The following CNTNAP2 variants were observed in gnomAD, a reference collection of about 807,000 sequenced individuals.
The protein encoded by CNTNAP2 is contactin associated protein 2.
Under a neutral mutation model 155.2 loss-of-function variants are expected in CNTNAP2, and 98 were observed. The ratio of observed to expected loss-of-function variants is 0.63; its 90% CI spans 0.54 to 0.75. The LOEUF is 0.75. Among genes scored for constraint, CNTNAP2 ranks in the 30% least tolerant of loss-of-function variants. CNTNAP2 has a pLI of 0.00. For synonymous variants in CNTNAP2, 651 were observed against 631.2 expected, an observed-to-expected ratio of 1.03 and a Z score of -0.47; for missense variants, 1,727 against 1,688.1, an observed-to-expected ratio of 1.02 and a Z score of -0.40.
At chr7:147,907,615 T>G (rs1288983261) in intron 14 of CNTNAP2, among the ~76,000 whole-genome samples, 1 of 152,084 alleles carries the variant, frequency 6.6e-6, no homozygotes, top group Non-Finnish European at 1.5e-5. Flanking sequence ...TTGCCACTTT[T>G]GGGGGAGGCT....
Position 147,903,810 on chromosome 7 carries a change from C to G in CNTNAP2, c.2255+89C>G, listed in dbSNP as rs1009848000. ...GTGATAGAAGAAAGTTTGAAAAGTGCTATAATAATACGATAATAGGGTAGA... is the reference window on the plus strand; with the variant it reads ...GTGATAGAAGAAAGTTTGAAAAGTGGTATAATAATACGATAATAGGGTAGA... On this transcript the variant is annotated intron_variant, in intron 14 of 23. Transcript: ENST00000361727. The G allele has an allele frequency of 6.8e-6, 10 of 1,480,460 alleles. No individual in the cohort carries two copies. The African/African-American group carries it at 1.4e-4, about 21-fold the overall frequency. The allele number at this position is 1,480,460 out of a possible 1,614,324, so 91.7% of individuals were successfully genotyped here. A position where few individuals can be genotyped will look rare whatever the true frequency, so the allele number is the denominator to read the frequency against.
At chr7:146,826,052 T>C (rs537546881) in intron 2 of CNTNAP2, among the ~76,000 whole-genome samples, 1 of 152,216 alleles carries the variant, frequency 6.6e-6, no homozygotes, top group South Asian at 2.1e-4. Context: ...AGTGATGTCT[T>C]TTAGAGCTGA....
At chr7:148,008,109 G>A (rs35084488) in intron 15 of CNTNAP2, among the ~76,000 whole-genome samples, 16,058 of 151,798 alleles carry the variant, frequency 0.11, 1,189 homozygotes, top group East Asian at 0.24. Context: ...CATGCCTGTA[G>A]TCTCAGCACT....
chr7:147,919,459 C>CTTTCTTTCTTTT (rs58537091), intron 14 of CNTNAP2, among the ~76,000 whole-genome samples: 3 of 51,224 alleles, frequency 5.9e-5, no homozygotes, highest in African/African-American at 3.2e-4. Context: ...CTTTTTCTTT[C>CTTTCTTTCTTTT]TTTTTTTTTT....
intron 8 of CNTNAP2, among the ~76,000 whole-genome samples, chr7:147,265,496 A>G (rs1374170803): frequency 6.6e-6 from 1 of 152,180 alleles, no homozygotes; most frequent in African/African-American, 2.4e-5. Flanking sequence ...CTTAGGGACC[A>G]AACTCTGATC....
At chr7:147,590,653 T>C (rs1800719375) in intron 12 of CNTNAP2, among the ~76,000 whole-genome samples, 1 of 152,190 alleles carries the variant, frequency 6.6e-6, no homozygotes, top group South Asian at 2.1e-4. Context: ...GAACAACTTA[T>C]AACTTTCCTG....
At chr7:147,778,824 A>G (rs1797625044) in intron 13 of CNTNAP2, among the ~76,000 whole-genome samples, 1 of 152,148 alleles carries the variant, frequency 6.6e-6, no homozygotes, top group Non-Finnish European at 1.5e-5. Context: ...AAAGAAAGAA[A>G]TTTTATGAAA....
At chr7:146,772,591 C>T (rs1802313999) in intron 1 of CNTNAP2, among the ~76,000 whole-genome samples, 1 of 151,884 alleles carries the variant, frequency 6.6e-6, no homozygotes, top group Non-Finnish European at 1.5e-5. Flanking sequence ...ATCGCTTGAA[C>T]CCGGGAGACA....
chr7:146,305,433 A>G (rs903775558), intron 1 of CNTNAP2, among the ~76,000 whole-genome samples: 3 of 152,030 alleles, frequency 2.0e-5, no homozygotes, highest in African/African-American at 7.2e-5. Context: ...GTCTTTGATG[A>G]TGGTGACATA....
intron 3 of CNTNAP2, among the ~76,000 whole-genome samples, chr7:147,034,956 A>T (rs1210437316): frequency 7.1e-6 from 1 of 140,584 alleles, no homozygotes; most frequent in Non-Finnish European, 1.5e-5. Context: ...GTCTGCACTT[A>T]GTTCCGTGGG....
In CNTNAP2 at chr7:146,884,687, C is replaced by T. The variant is rs1795622725; in HGVS notation, c.402+44783C>T. On this transcript the variant is annotated intron_variant, in intron 3 of 23. Transcript: ENST00000361727. ...CCACTGGAGCATAAGTAGAGTGCAA[C>T]AGAAGACTTCGAGGAGAAAGCCCAT... Among the ~76,000 whole-genome samples the T allele has an allele frequency of 2.0e-5, 3 of 152,158 alleles. No homozygotes were observed. The South Asian group carries it at 6.2e-4, about 32-fold the overall frequency.
intron 10 of CNTNAP2, among the ~76,000 whole-genome samples, chr7:147,433,514 C>T (rs1235245405): frequency 6.6e-6 from 1 of 152,086 alleles, no homozygotes; most frequent in Non-Finnish European, 1.5e-5. Flanking sequence ...CTCATATTTG[C>T]TTTGTAAATC....
chr7:147,940,798 A>G (rs1207673456), intron 14 of CNTNAP2, among the ~76,000 whole-genome samples: 4 of 152,210 alleles, frequency 2.6e-5, no homozygotes, highest in African/African-American at 9.6e-5. Context: ...TCGGGCACCA[A>G]AAGTGCTGGA....
intron 8 of CNTNAP2, among the ~76,000 whole-genome samples, chr7:147,150,106 G>A (rs768622733): frequency 6.6e-6 from 1 of 152,208 alleles, no homozygotes; most frequent in South Asian, 2.1e-4. Context: ...AGGAGGACAA[G>A]GCAAGTTGTC....
At chr7:146,144,708 A>T (rs1320591406) in intron 1 of CNTNAP2, among the ~76,000 whole-genome samples, 2 of 152,236 alleles carry the variant, frequency 1.3e-5, no homozygotes, top group Non-Finnish European at 2.9e-5. Flanking sequence ...AAAGAAACAT[A>T]ATGAAGAAAG....
intron 1 of CNTNAP2, among the ~76,000 whole-genome samples, chr7:146,598,097 C>G (rs79509680): frequency 0.028 from 4,225 of 152,168 alleles, 84 homozygotes; most frequent in South Asian, 0.037. Flanking sequence ...ATGGAGGCAA[C>G]TAAGTCAGGC....
At chr7:146,438,646 A>G (rs1796277214) in intron 1 of CNTNAP2, among the ~76,000 whole-genome samples, 1 of 151,506 alleles carries the variant, frequency 6.6e-6, no homozygotes, top group African/African-American at 2.4e-5. Context: ...TTCTTTTTAA[A>G]TAGTTTTCCA....
At chr7:147,947,621 A>G (rs1585043241) in intron 14 of CNTNAP2, among the ~76,000 whole-genome samples, 1 of 151,932 alleles carries the variant, frequency 6.6e-6, no homozygotes, top group East Asian at 1.9e-4. Flanking sequence ...ACAGAGAAAG[A>G]CCCTGTCTCT....
intron 12 of CNTNAP2, among the ~76,000 whole-genome samples, chr7:147,563,556 G>C (rs533665501): frequency 2.5e-4 from 38 of 152,084 alleles, no homozygotes; most frequent in African/African-American, 8.2e-4. Flanking sequence ...TTGATCCCTG[G>C]AGGAGGAGGT....
Sources: gnomAD v4.1 joint callset for allele counts (sites outside exome capture counted in the v4.1 genomes callset) on GRCh38, gnomAD v4.1.1 for gene constraint, MANE v1.5 for transcripts, NCBI Gene and HGNC (gene_info 2026-07-23, HGNC 2026-07-21) for gene names.